Variants in FLI1 observed in about 807,000 individuals in gnomAD.
FLI1 encodes Friend leukemia integration 1 transcription factor.
Under a neutral mutation model 53.1 loss-of-function variants are expected in FLI1, and 13 were observed. That is an observed-to-expected ratio of 0.24 (90% CI 0.16 to 0.39). The LOEUF is 0.39. FLI1 is among the 10% of genes least tolerant of loss of function. The pLI, the probability that FLI1 is intolerant of heterozygous loss-of-function variation, is 1.00. For missense variants in FLI1, 424 were observed against 600.5 expected (o/e 0.71, Z 3.07); for synonymous variants, 244 against 236.7 (o/e 1.03, Z -0.28).
At chr11:128,809,451 G>A (rs1257878035) in intron 8 of FLI1, among the ~76,000 whole-genome samples, 6 of 152,194 alleles carry the variant, frequency 3.9e-5, no homozygotes, top group Non-Finnish European at 1.5e-5. Context: ...TGTGCACTTA[G>A]GTGTAGATGA....
intron 5 of FLI1, among the ~76,000 whole-genome samples, chr11:128,801,004 G>T (rs1754091683): frequency 6.6e-6 from 1 of 152,240 alleles, no homozygotes; most frequent in South Asian, 2.1e-4. Flanking sequence ...GGGTGTGATT[G>T]TCTGCTGATT....
intron 1 of FLI1, among the ~76,000 whole-genome samples, chr11:128,753,594 G>A (rs146576358): frequency 1.1e-4 from 16 of 152,340 alleles, no homozygotes; most frequent in African/African-American, 1.7e-4. Flanking sequence ...TAAAGAGCTT[G>A]AAGTACAAGG....
intron 5 of FLI1, among the ~76,000 whole-genome samples, chr11:128,788,362 G>A (rs548677166): frequency 2.2e-4 from 34 of 152,086 alleles, no homozygotes; most frequent in Non-Finnish European, 3.5e-4. Flanking sequence ...CCAGCTACCC[G>A]GGAGGCTGAA....
chr11:128,797,554 G>A (rs1458237933), intron 5 of FLI1, among the ~76,000 whole-genome samples: 1 of 152,144 alleles, frequency 6.6e-6, no homozygotes, highest in Non-Finnish European at 1.5e-5. Context: ...CTTCTTCATA[G>A]CATTCATCGC....
At chr11:128,804,297 A>G (rs1309970379) in intron 5 of FLI1, 2 of 152,188 alleles carry the variant, frequency 1.3e-5, no homozygotes, top group Non-Finnish European at 2.9e-5. Flanking sequence ...TTTGTGCTCC[A>G]TTTGTTCGGA....
At chr11:128,762,970 A>AG (rs1401851297) in intron 2 of FLI1, among the ~76,000 whole-genome samples, 1 of 149,378 alleles carries the variant, frequency 6.7e-6, no homozygotes, top group African/African-American at 2.5e-5. Flanking sequence ...AAAAAAAAAA[A>AG]TTATGTAGTT....
chr11:128,782,094 G>A (rs1941933861), intron 5 of FLI1, 71 bp downstream of exon 5: 1 of 1,315,016 alleles, frequency 7.6e-7, no homozygotes, highest in Non-Finnish European at 1.1e-6. Flanking sequence ...TGCTGTTAAG[G>A]TTGTTGCAGA....
intron 1 of FLI1, among the ~76,000 whole-genome samples, chr11:128,734,160 G>T (rs78129866): frequency 0.031 from 4,751 of 152,312 alleles, 240 homozygotes; most frequent in African/African-American, 0.11. Flanking sequence ...GTGGAGAGGG[G>T]TGGTTAAACA....
chr11:128,706,910 T>C lies in FLI1; in HGVS notation c.18+12634T>C, dbSNP rs1365288275. On this transcript the variant is annotated intron_variant, in intron 1 of 8. Coordinates refer to ENST00000527786, the MANE Select transcript of FLI1 (RefSeq NM_002017.5). ...AGCTCTTCTGGCAAGAGGCATTTCT[T>C]AGGGCTAATTCAACATGGTTAATTC... is the stretch of plus-strand genomic sequence containing the variant. Among the ~76,000 whole-genome samples, 12 of 152,220 alleles carry C rather than the reference T, an allele frequency of 7.9e-5. 1 individual carries two copies. The highest frequency in any genetic ancestry group is 7.9e-4 in the Admixed American group (12 of 15,274).
At chr11:128,790,324 T>A (rs1257381255) in intron 5 of FLI1, among the ~76,000 whole-genome samples, 1 of 139,848 alleles carries the variant, frequency 7.2e-6, no homozygotes, top group African/African-American at 2.8e-5. Context: ...AGAACGAGGG[T>A]GACAGAGAGA....
At chr11:128,767,298 C>T (rs1000192236) in intron 2 of FLI1, among the ~76,000 whole-genome samples, 2 of 152,330 alleles carry the variant, frequency 1.3e-5, no homozygotes, top group African/African-American at 4.8e-5. Flanking sequence ...GCCACAGGGC[C>T]ACCACCTCTC....
In FLI1 at chr11:128,696,775, T is replaced by C. The variant is rs1325990867; in HGVS notation, c.18+2499T>C. ...TGAGTGATTCTAGGATGTGATTTTATGCACCTGCATAGTTCTTCCTCAAAT... is the reference window on the plus strand; with the variant it reads ...TGAGTGATTCTAGGATGTGATTTTACGCACCTGCATAGTTCTTCCTCAAAT... On this transcript the variant is annotated intron_variant, in intron 1 of 8. Transcript: ENST00000527786. Among the ~76,000 whole-genome samples, 4 of 152,372 alleles carry C rather than the reference T, an allele frequency of 2.6e-5. No individual in the cohort carries two copies. The East Asian group carries it at 7.7e-4, about 29-fold the overall frequency.
At chr11:128,688,587 G>T (rs1366888373) in intron 1 of FLI1, among the ~76,000 whole-genome samples, 2 of 151,678 alleles carry the variant, frequency 1.3e-5, no homozygotes, top group Non-Finnish European at 2.9e-5. Context: ...GGCCCCATGA[G>T]GGAGGAGCCC....
intron 7 of FLI1, among the ~76,000 whole-genome samples, chr11:128,808,436 T>C (rs544032349): frequency 1.3e-4 from 20 of 152,360 alleles, no homozygotes; most frequent in African/African-American, 4.8e-4. Context: ...CAAAGACTTT[T>C]TCATGGCTAA....
At chr11:128,806,035 C>T (rs929512455) in intron 6 of FLI1, 1 of 151,990 alleles carries the variant, frequency 6.6e-6, no homozygotes, top group Admixed American at 6.5e-5. Context: ...GCAAGAATGA[C>T]TCATGAACTC....
At chr11:128,775,720 G>C (rs527456404) in intron 4 of FLI1, among the ~76,000 whole-genome samples, 3 of 152,364 alleles carry the variant, frequency 2.0e-5, no homozygotes, top group Admixed American at 1.3e-4. Context: ...TGCTTGTGGA[G>C]AGTTTGAGGC....
At position 128,750,724 on chromosome 11, in the gene FLI1, CAT is replaced by C. The variant is rs1203015933; in HGVS notation, c.19-7390_19-7389del. 2.0e-5 allele frequency among the ~76,000 whole-genome samples: 3 copies of C among 152,198 alleles called. No individual in the cohort carries two copies. In the East Asian group the frequency reaches 5.8e-4, roughly 29 times the overall value. Reference sequence around the variant, plus strand: ...TCTGATCACATCCCATCACTCAACTCATGTGCACATGAAAAGTAACATTTGAC... The same window carrying C: ...TCTGATCACATCCCATCACTCAACTCGTGCACATGAAAAGTAACATTTGAC... On this transcript the variant is annotated intron_variant, in intron 1 of 8. Transcript: ENST00000527786.
intron 5 of FLI1, chr11:128,804,006 C>G (rs1417525065): frequency 1.3e-5 from 2 of 152,310 alleles, no homozygotes; most frequent in African/African-American, 2.4e-5. Flanking sequence ...CCTATCCCAT[C>G]CCCCTCACTT....
At chr11:128,772,422 T>C (rs944312427) in intron 3 of FLI1, among the ~76,000 whole-genome samples, 9 of 152,338 alleles carry the variant, frequency 5.9e-5, no homozygotes, top group African/African-American at 9.6e-5. Flanking sequence ...ATTCTTAAAA[T>C]ACAGATGGTT....
Sources: gnomAD v4.1 joint callset for allele counts (sites outside exome capture counted in the v4.1 genomes callset) on GRCh38, gnomAD v4.1.1 for gene constraint, MANE v1.5 for transcripts, NCBI Gene and HGNC (gene_info 2026-07-23, HGNC 2026-07-21) for gene names.